CFAP410: variants seen among roughly 807,000 people sequenced by gnomAD.
CFAP410 encodes cilia- and flagella-associated protein 410.
CFAP410 carries 27 observed loss-of-function variants against 25.7 expected under a neutral mutation model. That is an observed-to-expected ratio of 1.05 (90% CI 0.77 to 1.45). CFAP410 has a LOEUF of 1.45. Among genes scored for constraint, CFAP410 ranks in the 40% most tolerant of loss-of-function variants. The probability of loss-of-function intolerance (pLI) is 0.00; values close to 1 mark genes in which losing one functional copy is unlikely to be tolerated. For synonymous variants in CFAP410, 178 were observed against 158.4 expected (o/e 1.12, Z -0.93); for missense variants, 428 against 354.1 (o/e 1.21, Z -1.67).
chr21:44,329,987 T>A lies in CFAP410; in HGVS notation c.*211A>T. On this transcript the variant is annotated 3_prime_UTR_variant, in exon 7 of 7. Coordinates refer to ENST00000339818, the MANE Select transcript of CFAP410 (RefSeq NM_004928.3). ...GAACCTCCAGACCACAGAAGGGGAGTCCTGGGGACAGGACTGGTGTAGACA... is the reference window on the plus strand; with the variant it reads ...GAACCTCCAGACCACAGAAGGGGAGACCTGGGGACAGGACTGGTGTAGACA... The A allele has an allele frequency of 1.8e-6, 1 of 562,106 alleles. No homozygotes were observed. Among genetic ancestry groups the A allele is most frequent in the East Asian group, 3.1e-5 (1 of 32,748 alleles). The allele number at this position is 562,106 out of a possible 1,614,324, so 34.8% of individuals were successfully genotyped here.
At chr21:44,332,992 A>G (rs750760441) in intron 4 of CFAP410, 41 bp downstream of exon 4, 5 of 1,342,442 alleles carry the variant, frequency 3.7e-6, no homozygotes, top group Non-Finnish European at 3.1e-6. Context: ...CCTTCCAGGG[A>G]TTGTTTTGGG....
chr21:44,330,001 C>G lies in CFAP410; in HGVS notation c.*197G>C, dbSNP rs753202185. ...CAGAAGGGGAGTCCTGGGGACAGGA[C>G]TGGTGTAGACAGGCATCTCCACCGC... On this transcript the variant is annotated 3_prime_UTR_variant, in exon 7 of 7. Transcript: ENST00000339818. 3.3e-6 allele frequency: 2 copies of G among 603,180 alleles called. No individual in the cohort carries two copies. The highest frequency in any genetic ancestry group is 5.8e-6 in the Non-Finnish European group (2 of 344,768). The allele number at this position is 603,180 out of a possible 1,614,324, so 37.4% of individuals were successfully genotyped here.
Position 44,339,199 on chromosome 21 carries a change from GCCGCCCAGGCCCGA to G in CFAP410, c.-19_-6del. 1.4e-6 allele frequency: 2 copies of G among 1,446,540 alleles called. No homozygotes were observed. Among genetic ancestry groups the G allele is most frequent in the Non-Finnish European group, 1.8e-6 (2 of 1,095,146 alleles). The allele number at this position is 1,446,540 out of a possible 1,614,324, so 89.6% of individuals were successfully genotyped here. ...CATCTTCCGCGTCAGCTTCATGGCG[GCCGCCCAGGCCCGA>G]CCGGCGGGCGCCCCCGGCCTCCTGA... On this transcript the variant is annotated 5_prime_UTR_variant, in exon 1 of 7. Coordinates refer to ENST00000339818, the MANE Select transcript of CFAP410 (RefSeq NM_004928.3).
At position 44,330,225 on chromosome 21, in the gene CFAP410, C is replaced by T. The variant is rs2047617652; in HGVS notation, c.744G>A (p.Gly248=). ...ACTCGGCGTGCTCCTGCACCTCTTC[C>T]CCACGCAGGGCCTGCAGCCGGCTGC... ...TVGSRLQALR[G]EEVQEHAE Residue 248 remains glycine, a synonymous_variant, in exon 7 of 7, where the codon GGG becomes GGA. Transcript: ENST00000339818. 27 of 1,582,346 alleles carry T rather than the reference C, an allele frequency of 1.7e-5. No individual in the cohort carries two copies. The highest frequency in any genetic ancestry group is 2.3e-5 in the East Asian group (1 of 43,492).
At chr21:44,338,173 C>T in intron 1 of CFAP410, 1 of 855,314 alleles carries the variant, frequency 1.2e-6, no homozygotes, top group South Asian at 1.8e-5. Context: ...GAATTGTAGC[C>T]AAAACACCAG....
In CFAP410 at chr21:44,331,169, A is replaced by G; in HGVS notation, c.546-250T>C. The G allele has an allele frequency of 5.3e-6, 3 of 560,996 alleles. No individual in the cohort carries two copies. In the South Asian group the frequency reaches 7.1e-5, roughly 13 times the overall value. 34.8% of individuals were successfully genotyped at this position (560,996 alleles called of 1,614,324 possible). On this transcript the variant is annotated intron_variant, in intron 5 of 6. Coordinates refer to ENST00000339818, the MANE Select transcript of CFAP410 (RefSeq NM_004928.3). The stretch of plus-strand genomic sequence containing the variant: ...CACCCTGGGGCTCCCCAGCTGTAAC[A>G]CCTTCCACCCAGGGCTTCAGGGGCA...
At chr21:44,334,126 C>T (rs1568989209) in intron 3 of CFAP410, 6 of 456,164 alleles carry the variant, frequency 1.3e-5, no homozygotes, top group Non-Finnish European at 2.2e-5. Flanking sequence ...CAGGCAGCAG[C>T]GTGATGTACC....
intron 3 of CFAP410, chr21:44,333,482 C>A: frequency 1.7e-6 from 1 of 591,686 alleles, no homozygotes; most frequent in Non-Finnish European, 3.0e-6. Flanking sequence ...TGGGGTGGAC[C>A]CCACCAGCAA....
intron 3 of CFAP410, chr21:44,334,350 G>T (rs1323955305): frequency 1.8e-5 from 8 of 437,264 alleles, no homozygotes; most frequent in Admixed American, 1.5e-4. Context: ...CCACAGCCCC[G>T]CCCCAAGCTT....
At chr21:44,335,653 G>T in intron 3 of CFAP410, 105 bp downstream of exon 3, 3 of 882,468 alleles carry the variant, frequency 3.4e-6, no homozygotes, top group Non-Finnish European at 5.4e-6. Context: ...AGTCTGTGTT[G>T]GAGGTTTCCA....
chr21:44,335,828 G>A, intron 2 of CFAP410, 24 bp from the exon 3 acceptor site: 2 of 1,566,302 alleles, frequency 1.3e-6, no homozygotes, highest in Non-Finnish European at 1.7e-6. Flanking sequence ...AACATGACTA[G>A]CAAGCATGGC....
chr21:44,335,636 C>T lies in CFAP410; in HGVS notation c.143+122G>A, dbSNP rs887789991. ...TCCCGGCCCCTCCCCTTCTGGAAGC[C>T]GCCCTCAGTCTGTGTTGGAGGTTTC... On this transcript the variant is annotated intron_variant, in intron 3 of 6. Coordinates refer to ENST00000339818, the MANE Select transcript of CFAP410 (RefSeq NM_004928.3). The T allele has an allele frequency of 9.2e-5, 70 of 759,706 alleles. 1 individual carries two copies. The Middle Eastern group carries it at 1.6e-3, about 17-fold the overall frequency. The allele number at this position is 759,706 out of a possible 1,614,324, so 47.1% of individuals were successfully genotyped here.
intron 1 of CFAP410, chr21:44,338,096 G>C (rs760041316): frequency 1.0e-4 from 35 of 343,848 alleles, no homozygotes; most frequent in East Asian, 3.7e-4. Context: ...GTTTCTCCCA[G>C]CTTAGTGGGA....
In CFAP410 at chr21:44,330,342, TG is replaced by T; in HGVS notation, c.643-17del. 1 of 1,605,284 alleles carries T rather than the reference TG, an allele frequency of 6.2e-7. No individual in the cohort carries two copies. The highest frequency in any genetic ancestry group is 8.5e-7 in the Non-Finnish European group (1 of 1,174,914). ...TCAGGACGTTCTGAGGGCAGAGGGG[TG>T]CGGACTAAGCCCACCCGGCACGGCG... is the stretch of plus-strand genomic sequence containing the variant. On this transcript the variant is annotated splice_polypyrimidine_tract_variant and intron_variant, in intron 6 of 6. Coordinates refer to ENST00000339818, the MANE Select transcript of CFAP410 (RefSeq NM_004928.3).
intron 2 of CFAP410, 190 bp from the exon 3 acceptor site, chr21:44,335,994 GTGCCCAGGGTGAA>G (rs2047746519): frequency 1.9e-6 from 1 of 517,776 alleles, no homozygotes; most frequent in African/African-American, 2.1e-5. Flanking sequence ...CTCAGCCAGT[GTGCCCAGGGTGAA>G]TGCCCAGGGC....
intron 4 of CFAP410, 151 bp downstream of exon 4, chr21:44,332,882 G>C: frequency 1.6e-6 from 1 of 627,442 alleles, no homozygotes. Context: ...ACAGAAGCCA[G>C]GGGAACAGCC....
At position 44,330,256 on chromosome 21, in the gene CFAP410, G is replaced by C. The variant is rs930153682; in HGVS notation, c.713C>G (p.Thr238Ser). ...DAEGLEAVQQTVGSRLQALRG... is the reference protein window; with the variant it reads ...DAEGLEAVQQSVGSRLQALRG... ...CAGGGCCTGCAGCCGGCTGCCCACA[G>C]TCTGCTGCACGGCCTCCAGCCCCTC... Residue 238 changes from threonine to serine, a missense_variant, in exon 7 of 7, where the codon ACT becomes AGT. Thr to Ser is a moderately conservative substitution (Grantham distance 58). Transcript: ENST00000339818. 1.2e-6 allele frequency: 2 copies of C among 1,601,308 alleles called. No individual in the cohort carries two copies. The highest frequency in any genetic ancestry group is 1.7e-6 in the Non-Finnish European group (2 of 1,175,748).
chr21:44,337,783 T>A, intron 1 of CFAP410, 116 bp from the exon 2 acceptor site: 1 of 819,946 alleles, frequency 1.2e-6, no homozygotes, highest in Non-Finnish European at 2.0e-6. Flanking sequence ...TCTAGGATTT[T>A]AATGGCATGG....
At chr21:44,331,433 T>C (rs149699846) in intron 5 of CFAP410, 1 of 255,416 alleles carries the variant, frequency 3.9e-6, no homozygotes, top group Non-Finnish European at 7.5e-6. Context: ...GTCAGCCCTG[T>C]GGCCCCTCCA....
Sources: allele counts gnomAD v4.1 joint callset, GRCh38; gene constraint gnomAD v4.1.1; transcripts MANE v1.5; gene names NCBI Gene and HGNC (gene_info 2026-07-23, HGNC 2026-07-21).